Variants in DMD observed in about 807,000 individuals in gnomAD.
The protein encoded by DMD is mutant dystrophin.
Under a neutral mutation model 330.1 loss-of-function variants are expected in DMD, and 63 were observed. The observed-to-expected ratio is 0.19, with a 90% CI of 0.16 to 0.24. DMD has a LOEUF of 0.24. DMD is among the 10% of genes least tolerant of loss of function. The pLI, the probability that DMD is intolerant of heterozygous loss-of-function variation, is 1.00. For missense variants in DMD, 3,344 were observed against 2,684.1 expected, an observed-to-expected ratio of 1.25 and a Z score of -5.43; for synonymous variants, 1,223 against 959.8, an observed-to-expected ratio of 1.27 and a Z score of -5.07.
intron 55 of DMD, among the ~76,000 whole-genome samples, chrX:31,586,399 T>C (rs1262918020): frequency 8.9e-6 from 1 of 112,562 alleles, no homozygotes; most frequent in Non-Finnish European, 1.9e-5. Context: ...ATCTCAGAAT[T>C]CTTCTTTCCA....
intron 1 of DMD, among the ~76,000 whole-genome samples, chrX:33,132,783 A>G (rs2148546190): frequency 8.9e-6 from 1 of 112,386 alleles, no homozygotes; most frequent in Non-Finnish European, 1.9e-5. Flanking sequence ...CTAGCTGCAT[A>G]ATCTTGGCAC....
At chrX:32,207,114 G>A (rs1352024235) in intron 44 of DMD, among the ~76,000 whole-genome samples, 1 of 111,656 alleles carries the variant, frequency 9.0e-6, no homozygotes, top group East Asian at 2.8e-4. Context: ...AGCTAGGGTA[G>A]CCTCCCAAGC....
chrX:31,913,164 T>C (rs1270353350), intron 47 of DMD, among the ~76,000 whole-genome samples: 2 of 112,371 alleles, frequency 1.8e-5, no homozygotes, highest in East Asian at 2.8e-4. Context: ...ATGAATATCA[T>C]AGTCAACTCT....
At chrX:31,366,470 CAAAAAAAAAAA>C (rs34216082) in intron 60 of DMD, among the ~76,000 whole-genome samples, 4 of 10,653 alleles carry the variant, frequency 3.8e-4, no homozygotes, top group East Asian at 6.1e-3. Flanking sequence ...CTCTCTCTCT[CAAAAAAAAAAA>C]AAAAAAAAAA....
chrX:31,212,170 GTGTGTGTA>G (rs201603436), intron 64 of DMD, among the ~76,000 whole-genome samples: 167 of 79,459 alleles, frequency 2.1e-3, no homozygotes, highest in Middle Eastern at 6.0e-3. Context: ...ATATATATGT[GTGTGTGTA>G]TGTGTGTGTG....
intron 55 of DMD, among the ~76,000 whole-genome samples, chrX:31,516,291 A>C (rs1387578454): frequency 9.1e-6 from 1 of 109,574 alleles, no homozygotes; most frequent in Non-Finnish European, 1.9e-5. Flanking sequence ...AAAAAAAAAA[A>C]AAAAAACCCG....
At position 31,138,672 on chromosome X, in the gene DMD, A is replaced by T. The variant is rs1473630923; in HGVS notation, c.10922-4478T>A. The stretch of plus-strand genomic sequence containing the variant: ...GAGAGAGAGAGAGAGAGAGAGAGAG[A>T]GAGAGAGAGAGAGAGAAGGGGGAAG... On this transcript the variant is annotated intron_variant, in intron 76 of 78. Coordinates refer to ENST00000357033, the MANE Select transcript of DMD (RefSeq NM_004006.3). Among the ~76,000 whole-genome samples, 47 of 26,315 alleles carry T rather than the reference A, an allele frequency of 1.8e-3. 3 individuals are homozygous for T. Among genetic ancestry groups the T allele is most frequent in the Middle Eastern group, 0.029 (1 of 35 alleles). The allele number at this position is 26,315 out of a possible 115,157, so 22.9% of individuals were successfully genotyped here. A position where few individuals can be genotyped will look rare whatever the true frequency, so the allele number is the denominator to read the frequency against.
intron 34 of DMD, among the ~76,000 whole-genome samples, chrX:32,377,035 A>C (rs2097906011): frequency 8.9e-6 from 1 of 111,914 alleles, no homozygotes; most frequent in Admixed American, 9.5e-5. Context: ...ATAGATTAGT[A>C]AAATCTGTAT....
At chrX:31,622,846 T>TTATATA (rs757102035) in intron 55 of DMD, among the ~76,000 whole-genome samples, 80 of 74,165 alleles carry the variant, frequency 1.1e-3, no homozygotes, top group East Asian at 4.8e-3. Context: ...CAGAAAAATT[T>TTATATA]TATATATATA....
intron 44 of DMD, among the ~76,000 whole-genome samples, chrX:32,033,791 T>C (rs2147281937): frequency 9.0e-6 from 1 of 111,693 alleles, no homozygotes; most frequent in African/African-American, 3.2e-5. Context: ...GGAAAGCAGA[T>C]AGGATATATT....
At chrX:32,678,496 G>A (rs1384699391) in intron 9 of DMD, among the ~76,000 whole-genome samples, 1 of 108,717 alleles carries the variant, frequency 9.2e-6, no homozygotes, top group Non-Finnish European at 1.9e-5. Context: ...GTGTTTGCGT[G>A]TCCGTGTGTG....
intron 76 of DMD, among the ~76,000 whole-genome samples, chrX:31,136,803 T>TATA (rs1475816635): frequency 8.9e-6 from 1 of 112,156 alleles, no homozygotes; most frequent in Non-Finnish European, 1.9e-5. Context: ...CTGTGAGTCT[T>TATA]TAATATGAGT....
At chrX:32,661,799 G>A (rs910107930) in intron 9 of DMD, among the ~76,000 whole-genome samples, 18 of 111,005 alleles carry the variant, frequency 1.6e-4, no homozygotes, top group Non-Finnish European at 2.5e-4. Flanking sequence ...AATAAAAAAT[G>A]AACTACCATA....
chrX:32,253,655 G>T (rs1383986751), intron 43 of DMD, among the ~76,000 whole-genome samples: 2 of 98,307 alleles, frequency 2.0e-5, no homozygotes, highest in Admixed American at 1.2e-4. Flanking sequence ...ATGTAGTCTC[G>T]CTCTGTCACC....
At chrX:32,455,632 A>T (rs1360189190) in intron 25 of DMD, among the ~76,000 whole-genome samples, 1 of 111,087 alleles carries the variant, frequency 9.0e-6, no homozygotes, top group Non-Finnish European at 1.9e-5. Flanking sequence ...AAGTGTAGAG[A>T]CTAACATGTA....
At chrX:32,025,074 T>A (rs1294572071) in intron 44 of DMD, among the ~76,000 whole-genome samples, 1 of 111,374 alleles carries the variant, frequency 9.0e-6, no homozygotes, top group African/African-American at 3.3e-5. Flanking sequence ...ATACTTGGTG[T>A]TCTCTGAAGC....
chrX:31,536,065 T>G, intron 55 of DMD, among the ~76,000 whole-genome samples: 1 of 111,884 alleles, frequency 8.9e-6, no homozygotes, highest in Non-Finnish European at 1.9e-5. Context: ...AGTTATTAGA[T>G]TCTTTTGATC....
Position 32,824,115 on chromosome X carries a change from G to T in DMD, c.265-728C>A, listed in dbSNP as rs139319218. Among the ~76,000 whole-genome samples, 4,594 of 111,909 alleles carry T rather than the reference G, an allele frequency of 0.041. 96 individuals are homozygous for T. Among genetic ancestry groups the T allele is most frequent in the Non-Finnish European group, 0.062 (3,279 of 53,063 alleles). On this transcript the variant is annotated intron_variant, in intron 4 of 78. Coordinates refer to ENST00000357033, the MANE Select transcript of DMD (RefSeq NM_004006.3). Reference sequence around the variant, plus strand: ...TAAAAAATAGTGCCATAAAATGCTGGTGAGGGTGTGGAGAAACTGGATGAC... The same window carrying T: ...TAAAAAATAGTGCCATAAAATGCTGTTGAGGGTGTGGAGAAACTGGATGAC...
chrX:31,852,914 C>T (rs1289687365), intron 48 of DMD, among the ~76,000 whole-genome samples: 4 of 112,405 alleles, frequency 3.6e-5, no homozygotes, highest in Non-Finnish European at 5.6e-5. Context: ...GACACAGTCT[C>T]GCTCTGTCGC....
Sources: allele counts gnomAD v4.1 joint callset (sites outside exome capture counted in the v4.1 genomes callset), GRCh38; gene constraint gnomAD v4.1.1; transcripts MANE v1.5; gene names NCBI Gene and HGNC (gene_info 2026-07-23, HGNC 2026-07-21).